NR2C2: variants seen among roughly 807,000 people sequenced by gnomAD.
NR2C2 encodes the protein Nuclear hormone receptor TR4.
In NR2C2, 6 loss-of-function variants were observed where a neutral mutation model predicts 62.9. The observed-to-expected ratio is 0.10, with a 90% CI of 0.05 to 0.19. The LOEUF is 0.19. NR2C2 is among the 10% of genes least tolerant of loss of function. The pLI is 1.00. For synonymous variants in NR2C2, 272 were observed against 273.8 expected (o/e 0.99, Z 0.07); for missense variants, 479 against 762.7 (o/e 0.63, Z 4.38).
At chr3:15,034,114 T>C (rs887820425) in intron 10 of NR2C2, among the ~76,000 whole-genome samples, 2 of 152,250 alleles carry the variant, frequency 1.3e-5, no homozygotes, top group Non-Finnish European at 2.9e-5. Flanking sequence ...TGTTTTGTGA[T>C]GTGCCAACTT....
chr3:15,005,860 T>C (rs1297503735), intron 2 of NR2C2, among the ~76,000 whole-genome samples: 1 of 152,126 alleles, frequency 6.6e-6, no homozygotes, highest in African/African-American at 2.4e-5. Flanking sequence ...TTTTCATTGG[T>C]GGATGTGGAT....
At chr3:14,987,558 A>T (rs1037752188) in intron 1 of NR2C2, among the ~76,000 whole-genome samples, 1 of 152,226 alleles carries the variant, frequency 6.6e-6, no homozygotes, top group Non-Finnish European at 1.5e-5. Context: ...CTTTATTACC[A>T]CACTATGTAA....
Position 15,016,361 on chromosome 3 carries a change from T to C in NR2C2, c.376+107T>C. 5 of 746,776 alleles carry C rather than the reference T, an allele frequency of 6.7e-6. No individual in the cohort carries two copies. In the South Asian group the frequency reaches 8.6e-5, roughly 13 times the overall value. 46.3% of individuals were successfully genotyped at this position (746,776 alleles called of 1,614,324 possible). On this transcript the variant is annotated intron_variant, in intron 4 of 13. Transcript: ENST00000425241. ...TTAGAAGGACCATTTTATGTACGTTTGTAGGTTTCACATGTGAATTCTACT... is the reference window on the plus strand; with the variant it reads ...TTAGAAGGACCATTTTATGTACGTTCGTAGGTTTCACATGTGAATTCTACT...
chr3:14,995,340 C>G (rs550812684), intron 1 of NR2C2, among the ~76,000 whole-genome samples: 33 of 150,794 alleles, frequency 2.2e-4, no homozygotes, highest in African/African-American at 7.5e-4. Flanking sequence ...AAAAAAAACC[C>G]CACACTCCTT....
intron 1 of NR2C2, among the ~76,000 whole-genome samples, chr3:14,975,487 G>A (rs919467208): frequency 3.3e-5 from 5 of 151,806 alleles, no homozygotes; most frequent in Non-Finnish European, 7.4e-5. Context: ...GTTTTTTTCC[G>A]TTCATTCTTT....
intron 1 of NR2C2, among the ~76,000 whole-genome samples, chr3:14,953,852 G>C (rs902937365): frequency 6.9e-6 from 1 of 145,568 alleles, no homozygotes; most frequent in Non-Finnish European, 1.5e-5. Context: ...CCAAGATCAC[G>C]CCACTGCACT....
intron 5 of NR2C2, among the ~76,000 whole-genome samples, chr3:15,021,569 A>G (rs915855728): frequency 6.6e-6 from 1 of 152,196 alleles, no homozygotes; most frequent in Non-Finnish European, 1.5e-5. Context: ...TGGTGAAAAC[A>G]TGAAGACCAG....
intron 9 of NR2C2, among the ~76,000 whole-genome samples, chr3:15,031,443 TC>T (rs2041978412): frequency 6.6e-6 from 1 of 151,696 alleles, no homozygotes; most frequent in Admixed American, 6.6e-5. Context: ...AACCTCAAAC[TC>T]CTGGTCTTGA....
intron 10 of NR2C2, among the ~76,000 whole-genome samples, chr3:15,032,871 T>G (rs1260288652): frequency 6.6e-6 from 1 of 152,204 alleles, no homozygotes; most frequent in Non-Finnish European, 1.5e-5. Context: ...GTGAATCAGC[T>G]GTTTCCTCAA....
chr3:14,994,537 G>A (rs1174033340), intron 1 of NR2C2, among the ~76,000 whole-genome samples: 1 of 146,260 alleles, frequency 6.8e-6, no homozygotes, highest in Non-Finnish European at 1.5e-5. Flanking sequence ...CTGCCTCCTG[G>A]GTTTAAGCGA....
At chr3:15,001,537 G>A (rs2041002853) in intron 1 of NR2C2, among the ~76,000 whole-genome samples, 2 of 151,918 alleles carry the variant, frequency 1.3e-5, no homozygotes, top group Admixed American at 1.3e-4. Flanking sequence ...GTTTCACCAT[G>A]TTGGCCAGGC....
chr3:14,967,162 C>G (rs887688059), intron 1 of NR2C2, among the ~76,000 whole-genome samples: 2 of 152,036 alleles, frequency 1.3e-5, no homozygotes, highest in African/African-American at 4.8e-5. Context: ...TCATAGCATT[C>G]CTTTATAATC....
rs533538010 is a variant in NR2C2 at position 14,976,602 on chromosome 3, CTTTTTTTT to C, written c.-39-27259_-39-27252del. ...TTCTTGAGTCTGTCTTCCTTCCTTC[CTTTTTTTT>C]TTTTTTTTTTTTTTGATGGACAGCA... is the stretch of plus-strand genomic sequence containing the variant. On this transcript the variant is annotated intron_variant, in intron 1 of 13. Coordinates refer to ENST00000425241, the MANE Select transcript of NR2C2 (RefSeq NM_001291694.2). Among the ~76,000 whole-genome samples, 326 of 90,740 alleles carry C rather than the reference CTTTTTTTT, an allele frequency of 3.6e-3. 3 individuals carry two copies. Among genetic ancestry groups the C allele is most frequent in the African/African-American group, 0.015 (301 of 19,716 alleles). 59.5% of individuals were successfully genotyped at this position (90,740 alleles called of 152,430 possible).
intron 1 of NR2C2, among the ~76,000 whole-genome samples, chr3:14,983,076 C>A (rs983635468): frequency 2.6e-5 from 4 of 152,078 alleles, no homozygotes; most frequent in Non-Finnish European, 4.4e-5. Context: ...ATGGGATATC[C>A]ATTACCTCAA....
At chr3:14,995,692 TAC>T (rs2040813560) in intron 1 of NR2C2, among the ~76,000 whole-genome samples, 1 of 151,932 alleles carries the variant, frequency 6.6e-6, no homozygotes, top group African/African-American at 2.4e-5. Context: ...TGTGTGTGTG[TAC>T]ACCTAAGAGT....
intron 1 of NR2C2, among the ~76,000 whole-genome samples, chr3:14,965,301 G>C (rs2039808027): frequency 6.6e-6 from 1 of 152,064 alleles, no homozygotes; most frequent in Non-Finnish European, 1.5e-5. Flanking sequence ...CTGCTATGTG[G>C]ATTGCTGCCC....
At chr3:14,997,380 A>C (rs1231709223) in intron 1 of NR2C2, among the ~76,000 whole-genome samples, 1 of 152,218 alleles carries the variant, frequency 6.6e-6, no homozygotes, top group Admixed American at 6.5e-5. Context: ...GCAACACATA[A>C]CTGTATCTAA....
At chr3:15,032,267 C>G (rs2041999167) in intron 9 of NR2C2, 112 bp from the exon 10 acceptor site, 2 of 1,454,710 alleles carry the variant, frequency 1.4e-6, no homozygotes, top group Non-Finnish European at 1.9e-6. Flanking sequence ...CAGAATCAGA[C>G]AGCAACTCTA....
In NR2C2 at chr3:15,048,857, T is replaced by TTAAAGGCATCTATCTATC. The variant is rs2042548508; in HGVS notation, c.*5850_*5867dup. On this transcript the variant is annotated 3_prime_UTR_variant, in exon 14 of 14. Transcript: ENST00000425241. ...GAATGTAACTGCATTACCAGCCCTT[T>TTAAAGGCATCTATCTATC]TAAAGGCATCTATCTATCAAAGGAA... 6.6e-6 allele frequency: 1 copy of TTAAAGGCATCTATCTATC among 152,664 alleles called. No individual in the cohort carries two copies. Among genetic ancestry groups the TTAAAGGCATCTATCTATC allele is most frequent in the Admixed American group, 6.5e-5 (1 of 15,282 alleles). The allele number at this position is 152,664 out of a possible 1,614,324, so 9.5% of individuals were successfully genotyped here.
Sources: allele counts gnomAD v4.1 joint callset (sites outside exome capture counted in the v4.1 genomes callset), GRCh38; gene constraint gnomAD v4.1.1; transcripts MANE v1.5; gene names NCBI Gene and HGNC (gene_info 2026-07-23, HGNC 2026-07-21).